PTPN13: variants seen among roughly 807,000 people sequenced by gnomAD.
The protein encoded by PTPN13 is protein tyrosine phosphatase non-receptor type 13.
A neutral mutation model predicts 284.0 loss-of-function variants in PTPN13; 191 were observed. The ratio of observed to expected loss-of-function variants is 0.67; its 90% CI spans 0.60 to 0.76. The LOEUF (loss-of-function observed/expected upper bound fraction) is 0.76. Ranked by LOEUF, PTPN13 falls within the 30% of genes least tolerant of loss-of-function variation. PTPN13 has a pLI of 0.00. For missense variants in PTPN13, 2,797 were observed against 2,939.9 expected (o/e 0.95, Z 1.12); for synonymous variants, 986 against 1,022.3 (o/e 0.96, Z 0.68).
At chr4:86,627,819 C>T (rs543907003) in intron 1 of PTPN13, among the ~76,000 whole-genome samples, 2 of 152,260 alleles carry the variant, frequency 1.3e-5, no homozygotes, top group African/African-American at 4.8e-5. Context: ...ACAACATGTA[C>T]ACTTGTTTCT....
At chr4:86,716,845 T>A (rs1013178163) in intron 8 of PTPN13, among the ~76,000 whole-genome samples, 179 bp from the exon 9 acceptor site, 1 of 152,220 alleles carries the variant, frequency 6.6e-6, no homozygotes. Context: ...AGATAATAAT[T>A]CATTGTCTTT....
chr4:86,758,483 C>G, intron 21 of PTPN13, 134 bp downstream of exon 21: 1 of 917,724 alleles, frequency 1.1e-6, no homozygotes. Flanking sequence ...ACCTACAAGC[C>G]CATCAACCTA....
intron 26 of PTPN13, among the ~76,000 whole-genome samples, chr4:86,765,693 T>C (rs960111254): frequency 2.0e-5 from 3 of 152,182 alleles, no homozygotes; most frequent in Admixed American, 6.5e-5. Flanking sequence ...AAGATATCTA[T>C]ACATCAACAT....
intron 44 of PTPN13, among the ~76,000 whole-genome samples, chr4:86,805,705 T>C (rs1032653875): frequency 2.0e-5 from 3 of 152,216 alleles, no homozygotes; most frequent in East Asian, 1.9e-4. Flanking sequence ...GAGGATTTTC[T>C]TGGTTGGATT....
chr4:86,729,096 T>C (rs1478071691), intron 10 of PTPN13, among the ~76,000 whole-genome samples: 2 of 149,308 alleles, frequency 1.3e-5, no homozygotes, highest in African/African-American at 4.9e-5. Flanking sequence ...CCCCTTCACT[T>C]ATGAAGCTTA....
intron 2 of PTPN13, chr4:86,661,199 A>T: frequency 2.6e-6 from 1 of 387,296 alleles, no homozygotes; most frequent in Non-Finnish European, 5.0e-6. Context: ...CACAGATAAT[A>T]TTTGCCTGGT....
intron 10 of PTPN13, among the ~76,000 whole-genome samples, chr4:86,724,213 C>T (rs769283136): frequency 1.3e-5 from 2 of 152,118 alleles, no homozygotes; most frequent in Non-Finnish European, 2.9e-5. Context: ...GAACATATTT[C>T]AGGTAAAAGG....
At chr4:86,616,650 G>A (rs4693778) in intron 1 of PTPN13, among the ~76,000 whole-genome samples, 149,556 of 152,032 alleles carry the variant, frequency 0.98, 73,611 homozygotes, top group East Asian at 1. Context: ...TTAAAAGTAT[G>A]TGACACCTCC....
At chr4:86,644,420 A>G (rs74403336) in intron 2 of PTPN13, among the ~76,000 whole-genome samples, 7,090 of 152,270 alleles carry the variant, frequency 0.047, 222 homozygotes, top group African/African-American at 0.061. Flanking sequence ...GATTACAGGC[A>G]TGAGCCACCA....
chr4:86,793,449 A>G (rs1266439403), intron 40 of PTPN13, among the ~76,000 whole-genome samples: 1 of 152,138 alleles, frequency 6.6e-6, no homozygotes, highest in African/African-American at 2.4e-5. Context: ...GGTCAACAAG[A>G]CAGAAGGTTA....
rs746018349 is a variant in PTPN13 at position 86,750,911 on chromosome 4, A to G, written c.3068+24A>G. 6 of 1,594,824 alleles carry G rather than the reference A, an allele frequency of 3.8e-6. No individual in the cohort carries two copies. The South Asian group carries it at 4.5e-5, about 12-fold the overall frequency. On this transcript the variant is annotated intron_variant, in intron 18 of 47. Transcript: ENST00000411767. ...AAGTAAGAACATATTAACTAACCCA[A>G]TTACATATTTGTAAATTCTACATTT...
intron 1 of PTPN13, among the ~76,000 whole-genome samples, chr4:86,605,585 A>G (rs756064508): frequency 8.6e-5 from 13 of 151,914 alleles, no homozygotes; most frequent in Non-Finnish European, 1.8e-4. Context: ...ATTGAAGGAA[A>G]GGCTACAAAG....
chr4:86,595,098 T>G (rs1326408555), intron 1 of PTPN13, among the ~76,000 whole-genome samples: 1 of 152,034 alleles, frequency 6.6e-6, no homozygotes, highest in Non-Finnish European at 1.5e-5. Context: ...AGTAAGAGAT[T>G]GTGGGGTAAT....
chr4:86,716,945 C>A, intron 8 of PTPN13, 79 bp from the exon 9 acceptor site: 1 of 942,558 alleles, frequency 1.1e-6, no homozygotes. Context: ...TCTATGTCTG[C>A]TAAGTGTTTG....
At chr4:86,745,488 G>T (rs1267719962) in intron 17 of PTPN13, among the ~76,000 whole-genome samples, 1 of 152,104 alleles carries the variant, frequency 6.6e-6, no homozygotes, top group Non-Finnish European at 1.5e-5. Flanking sequence ...TAGAAGTTCA[G>T]GATTTCAGCC....
intron 3 of PTPN13, among the ~76,000 whole-genome samples, chr4:86,673,857 C>T (rs1413466516): frequency 3.3e-5 from 5 of 152,040 alleles, no homozygotes; most frequent in African/African-American, 4.8e-5. Context: ...CGGGCACATG[C>T]CAGCACACCT....
chr4:86,780,349 G>A (rs567825203), intron 35 of PTPN13, 53 bp from the exon 36 acceptor site: 4 of 1,482,296 alleles, frequency 2.7e-6, no homozygotes, highest in African/African-American at 1.4e-5. Flanking sequence ...GGCCTGGGAG[G>A]TCAAGGCTAC....
chr4:86,617,200 C>T (rs551429873), intron 1 of PTPN13, among the ~76,000 whole-genome samples: 82 of 152,128 alleles, frequency 5.4e-4, no homozygotes, highest in African/African-American at 1.7e-3. Context: ...ATGTGGTAGC[C>T]ACAAGTTCCC....
At chr4:86,681,232 T>A (rs1305471497) in intron 3 of PTPN13, among the ~76,000 whole-genome samples, 1 of 152,158 alleles carries the variant, frequency 6.6e-6, no homozygotes, top group Admixed American at 6.5e-5. Flanking sequence ...AATTTACTAC[T>A]TTTTTTAATA....
Sources: gnomAD v4.1 joint callset for allele counts (sites outside exome capture counted in the v4.1 genomes callset) on GRCh38, gnomAD v4.1.1 for gene constraint, MANE v1.5 for transcripts, NCBI Gene and HGNC (gene_info 2026-07-23, HGNC 2026-07-21) for gene names.